Variants in OR1B1 observed in about 807,000 individuals in gnomAD.
The protein encoded by OR1B1 is olfactory receptor family 1 subfamily B member 1, also known as olfactory receptor 1B1.
For missense variants in OR1B1, 414 were observed against 402.1 expected, an observed-to-expected ratio of 1.03 and a Z score of -0.25; for synonymous variants, 168 against 156.2, an observed-to-expected ratio of 1.08 and a Z score of -0.57.
upstream of OR1B1, chr9:122,629,581 AG>A: frequency 9.0e-6 from 11 of 1,216,738 alleles, no homozygotes; most frequent in Non-Finnish European, 1.3e-5. Context: ...TCAAAAAGAA[AG>A]TCATGGGTCT....
exon 1 of OR1B1, chr9:122,629,412 G>T (rs1263317135): frequency 6.2e-7 from 1 of 1,613,994 alleles, no homozygotes; most frequent in African/African-American, 1.3e-5. Flanking sequence ...ACATTCCCCA[G>T]TATGGTGGTC....
chr9:122,632,422 A>T (rs1003041201), upstream of OR1B1, among the ~76,000 whole-genome samples: 3 of 152,058 alleles, frequency 2.0e-5, no homozygotes, highest in African/African-American at 4.8e-5. Context: ...TCTTTTAAAA[A>T]TTTTTCTCTA....
At chr9:122,641,023 G>A in the OR1B1 span, among the ~76,000 whole-genome samples, 13 of 152,070 alleles carry the variant, frequency 8.5e-5, no homozygotes, top group African/African-American at 2.2e-4. Context: ...ATAAGCAAAC[G>A]GGCTTGTGAA....
the OR1B1 span, among the ~76,000 whole-genome samples, chr9:122,643,300 G>C: frequency 6.6e-5 from 10 of 152,168 alleles, no homozygotes; most frequent in Non-Finnish European, 1.5e-4. Flanking sequence ...GTGCACTGTG[G>C]GGAGGGAGAG....
In OR1B1 at chr9:122,629,503, A is replaced by G. The variant is rs534842421; in HGVS notation, c.33T>C (p.Ser11=). 3.7e-6 allele frequency: 6 copies of G among 1,610,996 alleles called. 1 individual carries two copies. In the African/African-American group the frequency reaches 6.7e-5, roughly 18 times the overall value. ...AGAACCCAAGGAGCAAAAAAACCGG[A>G]GAGTGTGAAGCATTAGGGGCAAAGC... is the stretch of plus-strand genomic sequence containing the variant. Residue 11 remains serine (S), a synonymous_variant, in exon 1 of 1, where the codon TCT becomes TCC. Coordinates refer to ENST00000623530, the Ensembl canonical transcript of OR1B1.
the OR1B1 span, among the ~76,000 whole-genome samples, chr9:122,648,360 C>T: frequency 3.3e-5 from 5 of 152,214 alleles, no homozygotes; most frequent in South Asian, 2.1e-4. Flanking sequence ...ATTCAACACC[C>T]GTTCATGCTA....
the OR1B1 span, among the ~76,000 whole-genome samples, chr9:122,640,692 C>A: frequency 6.6e-6 from 1 of 152,180 alleles, no homozygotes; most frequent in East Asian, 1.9e-4. Flanking sequence ...CAACTGGAAT[C>A]TATGCCTCTG....
At chr9:122,640,445 A>G in the OR1B1 span, among the ~76,000 whole-genome samples, 1 of 152,156 alleles carries the variant, frequency 6.6e-6, no homozygotes, top group African/African-American at 2.4e-5. Context: ...TATATAATGG[A>G]GGGCTAATAA....
At chr9:122,629,128 C>T (rs754937439) in exon 1 of OR1B1, 1 of 1,613,986 alleles carries the variant, frequency 6.2e-7, no homozygotes, top group East Asian at 2.2e-5. Flanking sequence ...GATTCATTAC[C>T]AAAGCATAGT....
chr9:122,641,947 A>G, the OR1B1 span, among the ~76,000 whole-genome samples: 1 of 152,168 alleles, frequency 6.6e-6, no homozygotes, highest in Non-Finnish European at 1.5e-5. Context: ...GGGGATTAGA[A>G]TAAAGAAAAT....
At chr9:122,645,671 G>T in the OR1B1 span, among the ~76,000 whole-genome samples, 1 of 150,136 alleles carries the variant, frequency 6.7e-6, no homozygotes, top group Non-Finnish European at 1.5e-5. Context: ...CCCTAGAATA[G>T]TATAGAATAG....
chr9:122,644,691 G>A, the OR1B1 span, among the ~76,000 whole-genome samples: 10 of 152,250 alleles, frequency 6.6e-5, no homozygotes, highest in South Asian at 1.7e-3. Context: ...GTCTCTGCCT[G>A]GTAATCCAGA....
At chr9:122,650,734 T>C in the OR1B1 span, among the ~76,000 whole-genome samples, 1 of 152,184 alleles carries the variant, frequency 6.6e-6, no homozygotes, top group African/African-American at 2.4e-5. Context: ...ATTAAAATGG[T>C]TTGTCCCAGC....
chr9:122,635,364 C>T, the OR1B1 span, among the ~76,000 whole-genome samples: 4 of 151,774 alleles, frequency 2.6e-5, no homozygotes, highest in Non-Finnish European at 4.4e-5. Context: ...TAGCAGGAGT[C>T]GGGGAAGGGA....
At chr9:122,639,470 ATTTGGG>A in the OR1B1 span, 1 of 151,976 alleles carries the variant, frequency 6.6e-6, no homozygotes, top group Non-Finnish European at 1.5e-5. Context: ...TGTGATATAT[ATTTGGG>A]TTGTTTACTG....
chr9:122,636,297 C>T, the OR1B1 span, among the ~76,000 whole-genome samples: 1 of 152,208 alleles, frequency 6.6e-6, no homozygotes, highest in African/African-American at 2.4e-5. Context: ...CATGTAGATA[C>T]ACACATGCAT....
chr9:122,634,627 C>A, the OR1B1 span, among the ~76,000 whole-genome samples: 4 of 152,072 alleles, frequency 2.6e-5, no homozygotes, highest in Non-Finnish European at 5.9e-5. Flanking sequence ...CCCCATGATC[C>A]AATCACCTCC....
At chr9:122,649,536 G>A in the OR1B1 span, among the ~76,000 whole-genome samples, 1 of 151,992 alleles carries the variant, frequency 6.6e-6, no homozygotes, top group Non-Finnish European at 1.5e-5. Flanking sequence ...AATCTACAAA[G>A]AACTTAAACA....
At chr9:122,637,363 G>C in the OR1B1 span, 1 of 152,180 alleles carries the variant, frequency 6.6e-6, no homozygotes, top group African/African-American at 2.4e-5. Context: ...TCCCAGATGA[G>C]ACTAATTCAA....
Sources: allele counts gnomAD v4.1 joint callset (sites outside exome capture counted in the v4.1 genomes callset), GRCh38; gene constraint gnomAD v4.1.1; transcripts MANE v1.5; gene names NCBI Gene and HGNC (gene_info 2026-07-23, HGNC 2026-07-21).